STK4: variants seen among roughly 807,000 people sequenced by gnomAD.
STK4 encodes the protein serine/threonine kinase 4.
In STK4, 30 loss-of-function variants were observed where a neutral mutation model predicts 64.9. The observed-to-expected ratio is 0.46, with a 90% CI of 0.35 to 0.63. The LOEUF is 0.63. Among genes scored for constraint, STK4 ranks in the 20% least tolerant of loss-of-function variants. The pLI is 0.01. For missense variants in STK4, 466 were observed against 598.5 expected (o/e 0.78, Z 2.31); for synonymous variants, 177 against 199.0 (o/e 0.89, Z 0.93).
rs1368348477 is a variant in STK4, at chr20:44,972,068, T to C, written c.36-10T>C. The C allele has an allele frequency of 6.2e-7, 1 of 1,612,128 alleles. No homozygotes were observed. On this transcript the variant is annotated splice_polypyrimidine_tract_variant and intron_variant, in intron 1 of 10. Transcript: ENST00000372806. ...AAATGTATTTTGTGTTTATATTTCTTTATTCACAGGCAGCTGAAAAAGTTG... is the reference window on the plus strand; with the variant it reads ...AAATGTATTTTGTGTTTATATTTCTCTATTCACAGGCAGCTGAAAAAGTTG...
At position 44,981,913 on chromosome 20, in the gene STK4, A is replaced by G; in HGVS notation, c.330A>G (p.Val110=). Residue 110 remains valine, a synonymous_variant, in exon 4 of 11, where the codon GTA becomes GTG. Transcript: ENST00000372806. The part of the protein sequence containing the change: ...IVMEYCGAGS[V]SDIIRLRNKT... ...TGGAGTACTGTGGGGCTGGTTCTGT[A>G]TCTGATATCATTCGATTACGAAATA... 1 of 1,613,836 alleles carries G rather than the reference A, an allele frequency of 6.2e-7. No individual in the cohort carries two copies. Among genetic ancestry groups the G allele is most frequent in the Non-Finnish European group, 8.5e-7 (1 of 1,179,810 alleles).
At chr20:44,992,143 A>T (rs1347076220) in intron 5 of STK4, among the ~76,000 whole-genome samples, 2 of 152,010 alleles carry the variant, frequency 1.3e-5, no homozygotes, top group African/African-American at 2.4e-5. Context: ...ATATAGAAAA[A>T]TCCATCTACC....
At chr20:44,998,363 C>T (rs562429092) in intron 7 of STK4, among the ~76,000 whole-genome samples, 132 of 152,240 alleles carry the variant, frequency 8.7e-4, no homozygotes, top group African/African-American at 2.9e-3. Context: ...ACAGTACCTG[C>T]CTCATGTGTT....
chr20:44,997,213 A>T lies in STK4; in HGVS notation c.738A>T (p.Lys246Asn). The T allele has an allele frequency of 6.2e-7, 1 of 1,614,046 alleles. No individual in the cohort carries two copies. The highest frequency in any genetic ancestry group is 1.1e-5 in the South Asian group (1 of 91,076). Residue 246 changes from lysine to asparagine, a missense_variant, in exon 7 of 11, where the codon AAA (lysine) becomes AAT (asparagine). By Grantham distance (94) the Lys-to-Asn change is moderately conservative. This residue lies in a region of STK4 where 276 missense variants were observed against 308.9 expected (regional missense o/e 0.89). Transcript: ENST00000372806. ...IPTNPPPTFR[K>N]PELWSDNFTD... is the part of the protein sequence containing the mutation. Reference sequence around the variant, plus strand: ...CAAATCCTCCTCCCACATTCCGAAAACCAGAGCTATGGTCAGATAACTTTA... The same window carrying T: ...CAAATCCTCCTCCCACATTCCGAAATCCAGAGCTATGGTCAGATAACTTTA...
At chr20:45,037,366 G>A (rs888105332) in intron 10 of STK4, among the ~76,000 whole-genome samples, 4 of 151,994 alleles carry the variant, frequency 2.6e-5, no homozygotes, top group Non-Finnish European at 5.9e-5. Flanking sequence ...AATGCCCAAT[G>A]TACCCTTTTT....
At chr20:45,011,877 T>A (rs2068057608) in intron 9 of STK4, among the ~76,000 whole-genome samples, 2 of 151,386 alleles carry the variant, frequency 1.3e-5, no homozygotes, top group Non-Finnish European at 2.9e-5. Flanking sequence ...TGTTTTATTT[T>A]TCCATCTGAA....
intron 5 of STK4, among the ~76,000 whole-genome samples, chr20:44,988,188 T>C (rs559456287): frequency 2.6e-5 from 4 of 151,912 alleles, no homozygotes; most frequent in African/African-American, 7.2e-5. Context: ...GGAAACCAAA[T>C]TGAAAAAATA....
intron 2 of STK4, chr20:44,975,396 A>G: frequency 5.1e-6 from 5 of 984,078 alleles, no homozygotes; most frequent in African/African-American, 1.7e-5. Flanking sequence ...CCTTGCTATC[A>G]GGATGCATAG....
At chr20:45,072,804 A>G (rs1980183638) in intron 10 of STK4, among the ~76,000 whole-genome samples, 1 of 152,256 alleles carries the variant, frequency 6.6e-6, no homozygotes, top group Non-Finnish European at 1.5e-5. Flanking sequence ...AAGATTAATT[A>G]GAGACTTACC....
intron 10 of STK4, among the ~76,000 whole-genome samples, chr20:45,056,864 C>A (rs1478525750): frequency 6.6e-6 from 1 of 152,214 alleles, no homozygotes; most frequent in African/African-American, 2.4e-5. Context: ...GCCAGGGCTT[C>A]AGACTTCATT....
At chr20:45,011,730 T>TATATATATATATATATATATATATATATA (rs1555813605) in intron 9 of STK4, among the ~76,000 whole-genome samples, 25 of 83,542 alleles carry the variant, frequency 3.0e-4, no homozygotes, top group Non-Finnish European at 4.4e-4. Flanking sequence ...TATATATATA[T>TATATATATATATATATATATATATATATA]TTTTTTTTTT....
chr20:45,075,169 ACTT>A lies in STK4; in HGVS notation c.1460_1462del (p.Phe487del), dbSNP rs750361355. ...GAGGCTAAGAAGAGACGGCAACAAA[ACTT>A]CTGAGCAAGGCCAGGCTGTGAGGGC... is the stretch of plus-strand genomic sequence containing the variant. On this transcript the variant is annotated inframe_deletion, in exon 11 of 11. Transcript: ENST00000372806. The A allele has an allele frequency of 3.1e-6, 5 of 1,613,450 alleles. No individual in the cohort carries two copies. The highest frequency in any genetic ancestry group is 2.2e-5 in the East Asian group (1 of 44,862).
intron 9 of STK4, among the ~76,000 whole-genome samples, chr20:45,022,449 AT>A (rs1044644157): frequency 1.3e-5 from 2 of 152,202 alleles, no homozygotes; most frequent in Non-Finnish European, 2.9e-5. Context: ...AAAATTAGAA[AT>A]TTTTAAGTGG....
chr20:45,007,349 G>A (rs1010700389), intron 9 of STK4, among the ~76,000 whole-genome samples: 10 of 152,080 alleles, frequency 6.6e-5, no homozygotes, highest in African/African-American at 2.2e-4. Flanking sequence ...TCAGAAGATC[G>A]AGACCAGCCT....
At chr20:45,036,900 A>G (rs918132004) in intron 10 of STK4, among the ~76,000 whole-genome samples, 1 of 152,152 alleles carries the variant, frequency 6.6e-6, no homozygotes, top group Non-Finnish European at 1.5e-5. Context: ...GGACTACTGT[A>G]TTTCAAAACA....
chr20:44,997,357 C>T (rs764760871), intron 7 of STK4, 51 bp downstream of exon 7: 2 of 1,536,318 alleles, frequency 1.3e-6, no homozygotes, highest in Admixed American at 2.1e-5. Context: ...TACTTGCTGA[C>T]CAAAAGATGC....
intron 10 of STK4, among the ~76,000 whole-genome samples, chr20:45,069,663 C>T (rs1979887658): frequency 6.6e-6 from 1 of 152,210 alleles, no homozygotes; most frequent in South Asian, 2.1e-4. Flanking sequence ...ACTGACTCTT[C>T]TTAGCACCCA....
Position 45,058,303 on chromosome 20 carries a change from T to A in STK4, c.1306-16715T>A, listed in dbSNP as rs538732762. On this transcript the variant is annotated intron_variant, in intron 10 of 10. Transcript: ENST00000372806. ...AATCTCACCCTTCATTACATGGGAG[T>A]ACCCAGCAGTAAGGCTTACAGAGTG... Among the ~76,000 whole-genome samples the A allele has an allele frequency of 1.8e-4, 27 of 152,124 alleles. 1 individual carries two copies. In the South Asian group the frequency reaches 1.9e-3, roughly 11 times the overall value.
intron 10 of STK4, among the ~76,000 whole-genome samples, chr20:45,067,316 G>C (rs2145477450): frequency 6.6e-6 from 1 of 152,288 alleles, no homozygotes; most frequent in East Asian, 1.9e-4. Context: ...CCAACCAGAA[G>C]GGATGATGTG....
Sources: gnomAD v4.1 joint callset for allele counts (sites outside exome capture counted in the v4.1 genomes callset) on GRCh38, gnomAD v4.1.1 for gene constraint, gnomAD v4.1.1 regional missense constraint, MANE v1.5 for transcripts, NCBI Gene and HGNC (gene_info 2026-07-23, HGNC 2026-07-21) for gene names.